The following EPHA4 variants were observed in gnomAD, a reference collection of about 807,000 sequenced individuals.
EPHA4 encodes ephrin type-A receptor 4.
EPHA4 carries 19 observed loss-of-function variants against 108.3 expected under a neutral mutation model. The observed-to-expected ratio is 0.18, with a 90% CI of 0.12 to 0.26. The LOEUF (loss-of-function observed/expected upper bound fraction) is 0.26, where lower values mean the gene tolerates loss of function less well. Ranked by LOEUF, EPHA4 falls within the 10% of genes least tolerant of loss-of-function variation. EPHA4 has a pLI of 1.00. For synonymous variants in EPHA4, 449 were observed against 455.5 expected (o/e 0.99, Z 0.18); for missense variants, 917 against 1,254.0 (o/e 0.73, Z 4.06).
chr2:221,455,403 A>G, intron 8 of EPHA4, 144 bp downstream of exon 8: 1 of 660,616 alleles, frequency 1.5e-6, no homozygotes, highest in South Asian at 1.8e-5. Context: ...GTGTGGGAAG[A>G]TCAAAGCAAC....
rs533606263 is a variant in EPHA4 at position 221,439,507 on chromosome 2, A to G, written c.2075-2385T>C. Among the ~76,000 whole-genome samples, 88 of 150,830 alleles carry G rather than the reference A, an allele frequency of 5.8e-4. 1 individual carries two copies. The highest frequency in any genetic ancestry group is 2.0e-3 in the African/African-American group (84 of 41,074). Reference sequence around the variant, plus strand: ...TTTTCTTTTCTTTTTTTTTTTTAAGAGACAGGGTCTGGCTCTGTGGCCCAA... The same window carrying G: ...TTTTCTTTTCTTTTTTTTTTTTAAGGGACAGGGTCTGGCTCTGTGGCCCAA... On this transcript the variant is annotated intron_variant, in intron 11 of 17. Transcript: ENST00000281821.
At chr2:221,446,626 TTCAG>T (rs1041378439) in intron 8 of EPHA4, among the ~76,000 whole-genome samples, 3 of 152,128 alleles carry the variant, frequency 2.0e-5, no homozygotes, top group African/African-American at 7.2e-5. Context: ...GGCAGTAATG[TTCAG>T]TATGTGATAG....
At chr2:221,523,373 C>T (rs1168584082) in intron 3 of EPHA4, among the ~76,000 whole-genome samples, 4 of 151,860 alleles carry the variant, frequency 2.6e-5, no homozygotes, top group South Asian at 2.1e-4. Context: ...CCACAACCTC[C>T]GCCTCCCAAG....
At chr2:221,432,388 A>G (rs2106094714) in intron 14 of EPHA4, among the ~76,000 whole-genome samples, 1 of 152,270 alleles carries the variant, frequency 6.6e-6, no homozygotes, top group East Asian at 1.9e-4. Flanking sequence ...ATGTGGCTAC[A>G]AGAAGCTACT....
Position 221,521,678 on chromosome 2 carries a change from AAAAC to A in EPHA4, c.824-20510_824-20507del, listed in dbSNP as rs1458517060. ...TTGGAGAATATGGAATTAAAAAAACAAAACAAACAAACAAAGCCAGGAGCAATGA... is the reference window on the plus strand; with the variant it reads ...TTGGAGAATATGGAATTAAAAAAACAAAACAAACAAAGCCAGGAGCAATGA... On this transcript the variant is annotated intron_variant, in intron 3 of 17. Transcript: ENST00000281821. 6.6e-5 allele frequency among the ~76,000 whole-genome samples: 10 copies of A among 152,346 alleles called. No homozygotes were observed. The East Asian group carries it at 7.7e-4, about 12-fold the overall frequency.
At chr2:221,466,635 T>C (rs1463694582) in intron 5 of EPHA4, among the ~76,000 whole-genome samples, 4 of 152,234 alleles carry the variant, frequency 2.6e-5, no homozygotes, top group African/African-American at 7.2e-5. Flanking sequence ...CTAGCATTTA[T>C]TGAGTAATTA....
At chr2:221,550,606 T>A (rs1288358192) in intron 3 of EPHA4, among the ~76,000 whole-genome samples, 2 of 152,182 alleles carry the variant, frequency 1.3e-5, no homozygotes, top group Non-Finnish European at 2.9e-5. Context: ...GCAATAGGTA[T>A]CATTATTCCC....
At chr2:221,446,667 C>A (rs1690603445) in intron 8 of EPHA4, among the ~76,000 whole-genome samples, 1 of 151,920 alleles carries the variant, frequency 6.6e-6, no homozygotes, top group Non-Finnish European at 1.5e-5. Flanking sequence ...TTGCTATAAC[C>A]AGATAACTAC....
chr2:221,536,508 C>T (rs1470150595), intron 3 of EPHA4, among the ~76,000 whole-genome samples: 1 of 152,102 alleles, frequency 6.6e-6, no homozygotes, highest in Non-Finnish European at 1.5e-5. Context: ...ATAATTAAGC[C>T]CTAACCCCCA....
At chr2:221,522,477 A>C (rs1450615284) in intron 3 of EPHA4, among the ~76,000 whole-genome samples, 2 of 152,180 alleles carry the variant, frequency 1.3e-5, no homozygotes, top group Non-Finnish European at 2.9e-5. Context: ...TAAATGATAT[A>C]CGGTAACAGA....
At chr2:221,469,614 T>G (rs1331718723) in intron 5 of EPHA4, among the ~76,000 whole-genome samples, 1 of 152,184 alleles carries the variant, frequency 6.6e-6, no homozygotes, top group Non-Finnish European at 1.5e-5. Flanking sequence ...TTCATCACTA[T>G]CTCAGTGATG....
At chr2:221,536,037 C>T (rs1693660552) in intron 3 of EPHA4, among the ~76,000 whole-genome samples, 1 of 152,196 alleles carries the variant, frequency 6.6e-6, no homozygotes. Flanking sequence ...CTTTTACCAG[C>T]TTTATTTAAC....
intron 5 of EPHA4, among the ~76,000 whole-genome samples, chr2:221,481,510 C>T (rs1407016885): frequency 6.6e-6 from 1 of 151,842 alleles, no homozygotes; most frequent in Admixed American, 6.6e-5. Flanking sequence ...AAAAATTAGC[C>T]AGGTATGGTG....
chr2:221,422,074 T>C (rs1353120236), intron 17 of EPHA4: 1 of 139,148 alleles, frequency 7.2e-6, no homozygotes, highest in South Asian at 2.3e-4. Flanking sequence ...ACCCCATCTT[T>C]AAAAAAAAAA....
chr2:221,572,128 C>T (rs1443554715), intron 1 of EPHA4, 30 bp downstream of exon 1: 6 of 1,598,300 alleles, frequency 3.8e-6, no homozygotes, highest in Non-Finnish European at 5.1e-6. Context: ...CTCGCTGTCC[C>T]CGACCACAGA....
chr2:221,493,201 C>G (rs1442138029), intron 4 of EPHA4, among the ~76,000 whole-genome samples: 1 of 152,032 alleles, frequency 6.6e-6, no homozygotes, highest in African/African-American at 2.4e-5. Context: ...ACTTGCAGCT[C>G]TAAAGCAAAA....
At chr2:221,506,645 C>T (rs1238619124) in intron 3 of EPHA4, among the ~76,000 whole-genome samples, 1 of 152,192 alleles carries the variant, frequency 6.6e-6, no homozygotes, top group Non-Finnish European at 1.5e-5. Flanking sequence ...GCTGGCAAAT[C>T]CATATTGTCC....
chr2:221,545,007 G>T (rs1693947764), intron 3 of EPHA4, among the ~76,000 whole-genome samples: 1 of 152,132 alleles, frequency 6.6e-6, no homozygotes, highest in South Asian at 2.1e-4. Context: ...AAAATAAATT[G>T]CTGTTGTTTA....
rs564562000 is a variant in EPHA4 at position 221,524,575 on chromosome 2, C to G, written c.824-23403G>C. Among the ~76,000 whole-genome samples the G allele has an allele frequency of 2.8e-4, 43 of 152,230 alleles. No homozygotes were observed. The South Asian group carries it at 8.7e-3, about 31-fold the overall frequency. On this transcript the variant is annotated intron_variant, in intron 3 of 17. Transcript: ENST00000281821. ...AGCGGCTGTAATTTCCTAACAAAGC[C>G]TATGTCAAATGAAAAGGCAAATTGG...
Sources: allele counts gnomAD v4.1 joint callset (sites outside exome capture counted in the v4.1 genomes callset), GRCh38; gene constraint gnomAD v4.1.1; transcripts MANE v1.5; gene names NCBI Gene and HGNC (gene_info 2026-07-23, HGNC 2026-07-21).